The following ENPP2 variants were observed in gnomAD, a reference collection of about 807,000 sequenced individuals.
The protein encoded by ENPP2 is autotaxin.
ENPP2 carries 51 observed loss-of-function variants against 120.2 expected under a neutral mutation model. The ratio of observed to expected loss-of-function variants is 0.42; its 90% CI spans 0.34 to 0.54. The LOEUF (loss-of-function observed/expected upper bound fraction) is 0.54. Ranked by LOEUF, ENPP2 falls within the 20% of genes least tolerant of loss-of-function variation. The probability of loss-of-function intolerance (pLI) is 0.04; values close to 1 mark genes in which losing one functional copy is unlikely to be tolerated. For missense variants in ENPP2, 920 were observed against 1,066.5 expected (o/e 0.86, Z 1.91); for synonymous variants, 365 against 366.4 (o/e 1.00, Z 0.04).
chr8:119,651,262 G>GA (rs1245887971), intron 1 of ENPP2, among the ~76,000 whole-genome samples: 2 of 152,088 alleles, frequency 1.3e-5, no homozygotes, highest in Non-Finnish European at 2.9e-5. Flanking sequence ...GTAGAGAAAG[G>GA]AAAAAGCAAA....
intron 2 of ENPP2, among the ~76,000 whole-genome samples, chr8:119,636,951 C>A (rs73714489): frequency 6.6e-6 from 1 of 151,916 alleles, no homozygotes; most frequent in Non-Finnish European, 1.5e-5. Context: ...AAAGAAGTCA[C>A]CTTTAAAAAT....
intron 3 of ENPP2, among the ~76,000 whole-genome samples, chr8:119,621,998 G>A (rs556915928): frequency 1.6e-4 from 25 of 152,028 alleles, no homozygotes; most frequent in African/African-American, 2.4e-4. Flanking sequence ...GCGCAATCTC[G>A]GCTCACTGTA....
intron 7 of ENPP2, among the ~76,000 whole-genome samples, chr8:119,616,753 C>A (rs1815483239): frequency 6.6e-6 from 1 of 152,024 alleles, no homozygotes; most frequent in Non-Finnish European, 1.5e-5. Context: ...TTTCTAAATT[C>A]TATTGCTCCC....
chr8:119,667,024 G>A (rs957463806), intron 1 of ENPP2, among the ~76,000 whole-genome samples: 1 of 152,070 alleles, frequency 6.6e-6, no homozygotes, highest in Non-Finnish European at 1.5e-5. Flanking sequence ...AAATCAAGTC[G>A]TAGGGCTGGA....
Position 119,557,607 on chromosome 8 carries a change from G to A in ENPP2, c.2506C>T (p.Leu836=). ...RVRDIEHLTS[L]DFFRKTSRSY... ...CGGCTGGTCTTTCGGAAGAAGTCCAGGCTGGTGAGATGTTCAATGTCACGC... is the reference window on the plus strand; with the variant it reads ...CGGCTGGTCTTTCGGAAGAAGTCCAAGCTGGTGAGATGTTCAATGTCACGC... The change falls in exon 25 of 25, where the codon CTG becomes TTG. Residue 836 remains leucine, a synonymous_variant. Coordinates refer to ENST00000075322, the MANE Select transcript of ENPP2 (RefSeq NM_001040092.3). 1.2e-6 allele frequency: 2 copies of A among 1,612,638 alleles called. No individual in the cohort carries two copies. Among genetic ancestry groups the A allele is most frequent in the Non-Finnish European group, 8.5e-7 (1 of 1,179,852 alleles).
chr8:119,668,678 C>T (rs572266939), intron 1 of ENPP2, among the ~76,000 whole-genome samples: 203 of 152,204 alleles, frequency 1.3e-3, no homozygotes, highest in Non-Finnish European at 2.4e-3. Context: ...CCACCCGCCT[C>T]GGCCTCCCAA....
At chr8:119,572,154 T>A in intron 19 of ENPP2, 1 of 1,489,886 alleles carries the variant, frequency 6.7e-7, no homozygotes, top group African/African-American at 1.4e-5. Flanking sequence ...ACCCAGACTT[T>A]CCTTCAAAAC....
chr8:119,584,380 G>A (rs1451885671), intron 15 of ENPP2, among the ~76,000 whole-genome samples: 2 of 152,070 alleles, frequency 1.3e-5, no homozygotes, highest in African/African-American at 2.4e-5. Context: ...TAAGATTCTC[G>A]ACTCTAGGAC....
intron 9 of ENPP2, 132 bp from the exon 10 acceptor site, chr8:119,601,594 T>A: frequency 1.5e-6 from 1 of 651,474 alleles, no homozygotes; most frequent in South Asian, 2.0e-5. Context: ...TCATTTGTAG[T>A]AAAAGGCCCT....
intron 19 of ENPP2, among the ~76,000 whole-genome samples, chr8:119,573,549 AC>A (rs1224803580): frequency 6.6e-6 from 1 of 152,144 alleles, no homozygotes; most frequent in Non-Finnish European, 1.5e-5. Flanking sequence ...ATAGTGGCTC[AC>A]GCCTGTAAGC....
At position 119,598,908 on chromosome 8, in the gene ENPP2, T is replaced by C. The variant is rs1814089029; in HGVS notation, c.972+1770A>G. On this transcript the variant is annotated intron_variant, in intron 11 of 24. Coordinates refer to ENST00000075322, the MANE Select transcript of ENPP2 (RefSeq NM_001040092.3). ...GGAGTCCTACTTTTAAAAGGATGGC[T>C]ATACCAATCCGTTTTGCCTACCCCA... is the stretch of plus-strand genomic sequence containing the variant. 3.3e-5 allele frequency among the ~76,000 whole-genome samples: 5 copies of C among 152,198 alleles called. No individual in the cohort carries two copies. In the South Asian group the frequency reaches 1.0e-3, roughly 31 times the overall value.
At chr8:119,562,808 A>C (rs543838294) in intron 24 of ENPP2, 49 bp downstream of exon 24, 1 of 1,551,192 alleles carries the variant, frequency 6.4e-7, no homozygotes, top group South Asian at 1.1e-5. Flanking sequence ...GTAAGAAACG[A>C]AGGTGAACTA....
intron 19 of ENPP2, among the ~76,000 whole-genome samples, chr8:119,575,898 T>A (rs1208594933): frequency 1.3e-5 from 2 of 152,216 alleles, no homozygotes; most frequent in African/African-American, 4.8e-5. Flanking sequence ...AATAAACAAT[T>A]ACTATGTATT....
intron 24 of ENPP2, among the ~76,000 whole-genome samples, chr8:119,560,761 C>G (rs971364659): frequency 6.6e-6 from 1 of 152,108 alleles, no homozygotes; most frequent in Non-Finnish European, 1.5e-5. Context: ...AGAGGATGGG[C>G]TCTTGGAGTC....
At position 119,645,949 on chromosome 8, in the gene ENPP2, C is replaced by T. The variant is rs115083387; in HGVS notation, c.22-7422G>A. ...TACCCAGAAAGCCCTAAACAATATG[C>T]AAATCTAATGATTTTCCTTCTAAAC... On this transcript the variant is annotated intron_variant, in intron 1 of 25. Transcript: ENST00000427067. Among the ~76,000 whole-genome samples, 1,487 of 151,974 alleles carry T rather than the reference C, an allele frequency of 9.8e-3. 24 individuals carry two copies. Among genetic ancestry groups the T allele is most frequent in the African/African-American group, 0.034 (1,413 of 41,456 alleles).
chr8:119,572,362 T>A, intron 19 of ENPP2: 1 of 796,918 alleles, frequency 1.3e-6, no homozygotes, highest in Non-Finnish European at 2.1e-6. Flanking sequence ...TGGCATCTAA[T>A]CGATTCCATT....
chr8:119,604,673 A>G (rs1429863987), intron 9 of ENPP2, among the ~76,000 whole-genome samples: 1 of 152,222 alleles, frequency 6.6e-6, no homozygotes, highest in Non-Finnish European at 1.5e-5. Flanking sequence ...TTGTCTAGTC[A>G]ATGTTGAAAG....
Position 119,673,356 on chromosome 8 carries a change from C to T in ENPP2, c.-84G>A, listed in dbSNP as rs1244380337. On this transcript the variant is annotated 5_prime_UTR_variant, in exon 1 of 26. Transcript: ENST00000427067. Reference sequence around the variant, plus strand: ...AGCCCCGCGACCTGGGAGCTGTGCTCGGGACGGCTGCTGCGGACTGCTCTT... The same window carrying T: ...AGCCCCGCGACCTGGGAGCTGTGCTTGGGACGGCTGCTGCGGACTGCTCTT... The T allele has an allele frequency of 9.4e-6, 14 of 1,496,554 alleles. No homozygotes were observed. In the South Asian group the frequency reaches 9.6e-5, roughly 10 times the overall value. 92.7% of individuals were successfully genotyped at this position (1,496,554 alleles called of 1,614,324 possible).
At chr8:119,573,348 A>C (rs1331611878) in intron 19 of ENPP2, among the ~76,000 whole-genome samples, 2 of 149,970 alleles carry the variant, frequency 1.3e-5, no homozygotes, top group South Asian at 2.1e-4. Context: ...TGGAGGATGC[A>C]GTTAGCCAAG....
Sources: allele counts gnomAD v4.1 joint callset (sites outside exome capture counted in the v4.1 genomes callset), GRCh38; gene constraint gnomAD v4.1.1; transcripts MANE v1.5; gene names NCBI Gene and HGNC (gene_info 2026-07-23, HGNC 2026-07-21).